Variants in EYS observed in about 807,000 individuals in gnomAD.
EYS encodes EGF-like photoreceptor maintenance factor.
In EYS, 250 loss-of-function variants were observed where a neutral mutation model predicts 282.1. That is an observed-to-expected ratio of 0.89 (90% CI 0.80 to 0.98). EYS has a LOEUF of 0.98. Among genes scored for constraint, EYS ranks in the 50% least tolerant of loss-of-function variants. EYS has a pLI of 0.00. For synonymous variants in EYS, 1,355 were observed against 1,282.9 expected, an observed-to-expected ratio of 1.06 and a Z score of -1.20; for missense variants, 4,016 against 3,709.0, an observed-to-expected ratio of 1.08 and a Z score of -2.15.
intron 37 of EYS, among the ~76,000 whole-genome samples, chr6:63,801,759 A>G (rs948573268): frequency 6.6e-5 from 10 of 152,254 alleles, no homozygotes; most frequent in African/African-American, 2.4e-4. Context: ...GGATATTTCC[A>G]GAGAGCTCAA....
At chr6:64,771,356 T>C (rs758889400) in intron 22 of EYS, among the ~76,000 whole-genome samples, 12 of 151,774 alleles carry the variant, frequency 7.9e-5, no homozygotes, top group African/African-American at 1.2e-4. Flanking sequence ...TACACTTTTG[T>C]CATTACTTTA....
At chr6:63,914,632 C>T (rs756825814) in intron 35 of EYS, among the ~76,000 whole-genome samples, 8 of 151,246 alleles carry the variant, frequency 5.3e-5, no homozygotes, top group Non-Finnish European at 7.4e-5. Context: ...CACCTGAACT[C>T]GGGAGGCAGA....
At chr6:64,048,319 G>T (rs75405846) in intron 33 of EYS, among the ~76,000 whole-genome samples, 1 of 152,268 alleles carries the variant, frequency 6.6e-6, no homozygotes, top group Non-Finnish European at 1.5e-5. Context: ...TGGTTCTGGA[G>T]AATTTATTTT....
chr6:65,236,290 T>C (rs1488973116), intron 12 of EYS, among the ~76,000 whole-genome samples: 1 of 152,078 alleles, frequency 6.6e-6, no homozygotes, highest in Non-Finnish European at 1.5e-5. Context: ...AATTACACCA[T>C]AACCTAAAAT....
At chr6:64,752,755 A>G (rs1187156017) in intron 22 of EYS, among the ~76,000 whole-genome samples, 1 of 152,208 alleles carries the variant, frequency 6.6e-6, no homozygotes, top group African/African-American at 2.4e-5. Flanking sequence ...AAGCAGCAAG[A>G]GTAAAGTGTT....
intron 2 of EYS, among the ~76,000 whole-genome samples, chr6:65,575,610 A>G (rs888476921): frequency 2.0e-5 from 3 of 151,858 alleles, no homozygotes; most frequent in African/African-American, 4.8e-5. Flanking sequence ...GAAATAAATA[A>G]TATAGACATG....
At chr6:64,789,158 A>G (rs550753990) in intron 22 of EYS, among the ~76,000 whole-genome samples, 4 of 152,330 alleles carry the variant, frequency 2.6e-5, no homozygotes, top group Admixed American at 2.6e-4. Context: ...TTTTCAACTG[A>G]AACAAATGTA....
chr6:65,069,207 T>C (rs1235736767), intron 12 of EYS, among the ~76,000 whole-genome samples: 2 of 152,070 alleles, frequency 1.3e-5, no homozygotes, highest in East Asian at 3.9e-4. Flanking sequence ...CTGCTTTTAC[T>C]GTCTTCTTTG....
At chr6:65,469,107 T>C (rs1765112170) in intron 5 of EYS, among the ~76,000 whole-genome samples, 1 of 152,082 alleles carries the variant, frequency 6.6e-6, no homozygotes. Flanking sequence ...TCAGTATAAG[T>C]ATTTCCCATT....
chr6:63,961,202 C>A (rs1443683756), intron 35 of EYS, among the ~76,000 whole-genome samples: 2 of 152,166 alleles, frequency 1.3e-5, no homozygotes, highest in African/African-American at 4.8e-5. Flanking sequence ...GGTGTCAGGC[C>A]TCTGGGTCCA....
intron 15 of EYS, among the ~76,000 whole-genome samples, chr6:64,926,038 C>T (rs1768507603): frequency 6.6e-6 from 1 of 152,164 alleles, no homozygotes; most frequent in Non-Finnish European, 1.5e-5. Context: ...TGCTCTCGTA[C>T]TCCCAACCTA....
intron 22 of EYS, among the ~76,000 whole-genome samples, chr6:64,775,126 G>A (rs1495543): frequency 0.42 from 64,221 of 151,654 alleles, 16,024 homozygotes; most frequent in Admixed American, 0.59. Flanking sequence ...AAAACCTTAC[G>A]ACTGTTTAAA....
intron 40 of EYS, among the ~76,000 whole-genome samples, chr6:63,773,509 A>G (rs527441431): frequency 6.6e-6 from 1 of 152,346 alleles, no homozygotes; most frequent in East Asian, 1.9e-4. Context: ...ATGCAGAGAG[A>G]AAAAGAATAG....
At chr6:65,672,723 AAAAT>A (rs1396178752) in intron 1 of EYS, among the ~76,000 whole-genome samples, 1 of 152,010 alleles carries the variant, frequency 6.6e-6, no homozygotes, top group Non-Finnish European at 1.5e-5. Flanking sequence ...ATGAATACAG[AAAAT>A]AAATACATAA....
chr6:63,941,196 C>A (rs2149758122), intron 35 of EYS, among the ~76,000 whole-genome samples: 1 of 152,224 alleles, frequency 6.6e-6, no homozygotes, highest in African/African-American at 2.4e-5. Flanking sequence ...TGGGTATATA[C>A]CCAGTAATGG....
At chr6:64,662,450 CA>C (rs1363157665) in intron 22 of EYS, among the ~76,000 whole-genome samples, 2 of 151,880 alleles carry the variant, frequency 1.3e-5, no homozygotes, top group Non-Finnish European at 2.9e-5. Flanking sequence ...AGTAGAGATG[CA>C]AATACTTTCT....
At chr6:64,438,984 G>C (rs1297546542) in intron 27 of EYS, among the ~76,000 whole-genome samples, 178 bp downstream of exon 27, 1 of 151,462 alleles carries the variant, frequency 6.6e-6, no homozygotes, top group Non-Finnish European at 1.5e-5. Context: ...AAAAATACTT[G>C]GTTGTTGTTG....
chr6:64,343,300 G>C (rs914031053), intron 29 of EYS, among the ~76,000 whole-genome samples: 62 of 151,676 alleles, frequency 4.1e-4, no homozygotes, highest in African/African-American at 8.7e-4. Context: ...TGACCACATA[G>C]TTGGAAGTAA....
At chr6:64,077,182 G>T (rs941437204) in intron 32 of EYS, among the ~76,000 whole-genome samples, 2 of 151,924 alleles carry the variant, frequency 1.3e-5, no homozygotes, top group African/African-American at 2.4e-5. Flanking sequence ...GAGGGATGAA[G>T]ATATTCAAAG....
Sources: gnomAD v4.1 joint callset for allele counts (sites outside exome capture counted in the v4.1 genomes callset) on GRCh38, gnomAD v4.1.1 for gene constraint, MANE v1.5 for transcripts, NCBI Gene and HGNC (gene_info 2026-07-23, HGNC 2026-07-21) for gene names.